NCOA3: variants seen among roughly 807,000 people sequenced by gnomAD.
NCOA3 encodes CBP-interacting protein.
In NCOA3, 51 loss-of-function variants were observed where a neutral mutation model predicts 158.8. That is an observed-to-expected ratio of 0.32 (90% CI 0.26 to 0.41). NCOA3 has a LOEUF of 0.41. Among genes scored for constraint, NCOA3 ranks in the 10% least tolerant of loss-of-function variants. The pLI, the probability that NCOA3 is intolerant of heterozygous loss-of-function variation, is 1.00. For synonymous variants in NCOA3, 537 were observed against 592.4 expected, an observed-to-expected ratio of 0.91 and a Z score of 1.36; for missense variants, 1,510 against 1,746.6, an observed-to-expected ratio of 0.86 and a Z score of 2.41.
At chr20:47,609,244 T>A (rs2086005501) in intron 2 of NCOA3, among the ~76,000 whole-genome samples, 1 of 152,200 alleles carries the variant, frequency 6.6e-6, no homozygotes. Context: ...CCCCAAGCAC[T>A]TAGCATAGGG....
At chr20:47,639,843 C>G (rs923453639) in intron 15 of NCOA3, 21 bp downstream of exon 15, 2 of 1,612,174 alleles carry the variant, frequency 1.2e-6, no homozygotes, top group African/African-American at 2.7e-5. Context: ...ACCCTCCCCT[C>G]TTCATGAAAA....
chr20:47,638,051 C>T (rs922827592), intron 13 of NCOA3, among the ~76,000 whole-genome samples: 3 of 152,028 alleles, frequency 2.0e-5, no homozygotes, highest in Non-Finnish European at 4.4e-5. Flanking sequence ...TTTGATTATT[C>T]CAGGTGAGTA....
chr20:47,523,172 C>T (rs550686784), intron 1 of NCOA3, among the ~76,000 whole-genome samples: 88 of 152,272 alleles, frequency 5.8e-4, no homozygotes, highest in African/African-American at 2.1e-3. Context: ...GGCGATAGAG[C>T]GAGCCTCCGT....
chr20:47,597,223 C>A (rs1467658464), intron 2 of NCOA3, among the ~76,000 whole-genome samples: 2 of 152,224 alleles, frequency 1.3e-5, no homozygotes, highest in African/African-American at 4.8e-5. Context: ...TCCAACTGGT[C>A]TGCTTTATGT....
intron 16 of NCOA3, among the ~76,000 whole-genome samples, chr20:47,640,967 A>G (rs1049834728): frequency 7.9e-5 from 12 of 152,206 alleles, no homozygotes; most frequent in Admixed American, 5.9e-4. Context: ...GCCATGGTCA[A>G]TGTCAGCTCT....
intron 1 of NCOA3, among the ~76,000 whole-genome samples, chr20:47,579,820 C>T (rs1463302319): frequency 1.3e-5 from 2 of 152,152 alleles, no homozygotes; most frequent in Admixed American, 6.5e-5. Flanking sequence ...TGCAAGGCTG[C>T]TGTGTAAGGA....
intron 1 of NCOA3, among the ~76,000 whole-genome samples, chr20:47,568,572 G>T (rs2085238146): frequency 6.6e-6 from 1 of 152,062 alleles, no homozygotes; most frequent in Non-Finnish European, 1.5e-5. Flanking sequence ...AAGGCAGGTG[G>T]ATCCCTTTAG....
At chr20:47,516,786 G>T (rs898748521) in intron 1 of NCOA3, among the ~76,000 whole-genome samples, 2 of 151,988 alleles carry the variant, frequency 1.3e-5, no homozygotes, top group African/African-American at 2.4e-5. Flanking sequence ...AATTAGCCAG[G>T]CATAGTGGCA....
At chr20:47,550,300 C>T (rs572606413) in intron 1 of NCOA3, among the ~76,000 whole-genome samples, 8 of 151,690 alleles carry the variant, frequency 5.3e-5, no homozygotes, top group African/African-American at 1.5e-4. Flanking sequence ...CAAAATTAGT[C>T]GGGCATGGAG....
intron 2 of NCOA3, among the ~76,000 whole-genome samples, chr20:47,601,243 T>A (rs996890971): frequency 6.6e-6 from 1 of 152,192 alleles, no homozygotes; most frequent in Non-Finnish European, 1.5e-5. Context: ...CACTCTTTAG[T>A]CCAAACCTGT....
intron 17 of NCOA3, among the ~76,000 whole-genome samples, chr20:47,644,825 G>A (rs1469721011): frequency 1.3e-5 from 2 of 151,904 alleles, no homozygotes; most frequent in Non-Finnish European, 2.9e-5. Flanking sequence ...AACCTCCTGA[G>A]TAGCTGGGAC....
At chr20:47,589,773 A>G (rs2085597423) in intron 2 of NCOA3, among the ~76,000 whole-genome samples, 1 of 151,946 alleles carries the variant, frequency 6.6e-6, no homozygotes, top group African/African-American at 2.4e-5. Flanking sequence ...GAATACTTAT[A>G]AATTTGGATG....
intron 1 of NCOA3, among the ~76,000 whole-genome samples, chr20:47,528,396 A>G (rs2084491283): frequency 6.6e-6 from 1 of 152,176 alleles, no homozygotes; most frequent in Non-Finnish European, 1.5e-5. Flanking sequence ...TATTATTACT[A>G]ACTAAAATGA....
At position 47,651,060 on chromosome 20, in the gene NCOA3, G is replaced by T. The variant is rs2086779657; in HGVS notation, c.3730G>T (p.Ala1244Ser). 6.2e-7 allele frequency: 1 copy of T among 1,613,012 alleles called. No individual in the cohort carries two copies. The highest frequency in any genetic ancestry group is 1.1e-5 in the South Asian group (1 of 91,012). The change falls in exon 20 of 23, where the codon GCT (alanine) becomes TCT (serine). Residue 1244 changes from alanine to serine, a missense_variant. This residue lies in a region of NCOA3 where 1,017 missense variants were observed against 1,098.3 expected (regional missense o/e 0.93). Coordinates refer to ENST00000371998, the MANE Select transcript of NCOA3 (RefSeq NM_181659.3). ...LSHHFRQQRV[A>S]MMMQQQQQQQ... ...TCATCACTTCCGACAACAGAGGGTGGCTATGATGATGCAGCAGCAGCAGCA... is the reference window on the plus strand; with the variant it reads ...TCATCACTTCCGACAACAGAGGGTGTCTATGATGATGCAGCAGCAGCAGCA...
chr20:47,546,769 G>A (rs2084836437), intron 1 of NCOA3, among the ~76,000 whole-genome samples: 1 of 152,062 alleles, frequency 6.6e-6, no homozygotes, highest in Non-Finnish European at 1.5e-5. Flanking sequence ...TAACTCAGGT[G>A]ATCTTCCCGC....
At chr20:47,581,629 T>C (rs2085454432) in intron 1 of NCOA3, among the ~76,000 whole-genome samples, 1 of 152,242 alleles carries the variant, frequency 6.6e-6, no homozygotes, top group Admixed American at 6.5e-5. Context: ...GGCGTAATTA[T>C]GGTTGTTATC....
Position 47,599,865 on chromosome 20 carries a change from C to G in NCOA3, c.-20+16604C>G, listed in dbSNP as rs562615996. 2.3e-4 allele frequency among the ~76,000 whole-genome samples: 35 copies of G among 152,126 alleles called. 1 individual carries two copies. The highest frequency in any genetic ancestry group is 4.4e-4 in the Non-Finnish European group (30 of 68,026). On this transcript the variant is annotated intron_variant, in intron 2 of 22. Coordinates refer to ENST00000371998, the MANE Select transcript of NCOA3 (RefSeq NM_181659.3). The stretch of plus-strand genomic sequence containing the variant: ...ATTCTTAAAAAGACCATACCCAGAT[C>G]CATCTCCACTTCCTGTTTGTCCACT...
rs189257930 is a variant in NCOA3, at chr20:47,502,470, C to T, written c.-99+451C>T. Among the ~76,000 whole-genome samples the T allele has an allele frequency of 2.3e-3, 344 of 152,304 alleles. 1 individual carries two copies. Among genetic ancestry groups the T allele is most frequent in the African/African-American group, 8.0e-3 (334 of 41,572 alleles). On this transcript the variant is annotated intron_variant, in intron 1 of 22. Transcript: ENST00000371998. ...ACGGGAGGGAAAAGCCGCGGGGACCCCCCCCACCCCAGCCTCCCAGCCGGG... is the reference window on the plus strand; with the variant it reads ...ACGGGAGGGAAAAGCCGCGGGGACCTCCCCCACCCCAGCCTCCCAGCCGGG...
Position 47,594,664 on chromosome 20 carries a change from CAAAAAAAAAAAAAAAA to C in NCOA3, c.-20+11419_-20+11434del, listed in dbSNP as rs377014290. ...TGGGCGACAGAGCGAGACTCTGTCT[CAAAAAAAAAAAAAAAA>C]AAAAAAAAAAAAAAAGAGAAGATGA... On this transcript the variant is annotated intron_variant, in intron 2 of 22. Coordinates refer to ENST00000371998, the MANE Select transcript of NCOA3 (RefSeq NM_181659.3). Among the ~76,000 whole-genome samples the C allele has an allele frequency of 9.6e-5, 7 of 72,942 alleles. No individual in the cohort carries two copies. The East Asian group carries it at 1.4e-3, about 15-fold the overall frequency. 47.9% of individuals were successfully genotyped at this position (72,942 alleles called of 152,430 possible).
Sources: gnomAD v4.1 joint callset for allele counts (sites outside exome capture counted in the v4.1 genomes callset) on GRCh38, gnomAD v4.1.1 for gene constraint, gnomAD v4.1.1 regional missense constraint, MANE v1.5 for transcripts, NCBI Gene and HGNC (gene_info 2026-07-23, HGNC 2026-07-21) for gene names.